Variants in SGK1 observed in about 807,000 individuals in gnomAD.
The protein encoded by SGK1 is serine/threonine-protein kinase Sgk1.
Under a neutral mutation model 64.2 loss-of-function variants are expected in SGK1, and 26 were observed. The observed-to-expected ratio is 0.40, with a 90% CI of 0.30 to 0.56. The LOEUF (loss-of-function observed/expected upper bound fraction) is 0.56, where lower values mean the gene tolerates loss of function less well. Among genes scored for constraint, SGK1 ranks in the 20% least tolerant of loss-of-function variants. The pLI, the probability that SGK1 is intolerant of heterozygous loss-of-function variation, is 0.38. For missense variants in SGK1, 519 were observed against 645.6 expected (o/e 0.80, Z 2.12); for synonymous variants, 265 against 239.7 (o/e 1.11, Z -0.98).
rs1777703576 is a variant in SGK1, at chr6:134,317,448, C to T, written c.13G>A (p.Asp5Asn). 3.1e-6 allele frequency: 5 copies of T among 1,608,852 alleles called. No homozygotes were observed. The highest frequency in any genetic ancestry group is 3.4e-6 in the Non-Finnish European group (4 of 1,175,264). ...TTCTTGACTGGGAATCCATTCATGT[C>T]TTTGTTTACCATTTTCCACCGTGGG... MVNK[D>N]MNGFPVKKCS... Residue 5 changes from aspartate to asparagine, a missense_variant, in exon 1 of 14, where the codon GAC becomes AAC. Around this residue, in one of 2 missense-constraint regions of SGK1, gnomAD observed 241 missense variants for 236.9 expected, o/e 1.02. Coordinates refer to ENST00000367858, the MANE Select transcript of SGK1 (RefSeq NM_001143676.3).
intron 2 of SGK1, among the ~76,000 whole-genome samples, chr6:134,249,111 C>T (rs748690110): frequency 3.3e-5 from 5 of 152,118 alleles, no homozygotes; most frequent in Non-Finnish European, 2.9e-5. Flanking sequence ...GCGTATTGTA[C>T]GAAATCTCAA....
rs569505435 is a variant in SGK1, at chr6:134,207,380, T to A, written c.337A>T (p.Thr113Ser). The A allele has an allele frequency of 6.2e-7, 1 of 1,610,720 alleles. No individual in the cohort carries two copies. The highest frequency in any genetic ancestry group is 8.5e-7 in the Non-Finnish European group (1 of 1,177,048). The change falls in exon 3 of 14, where the codon ACC (threonine) becomes TCC (serine). Residue 113 changes from threonine to serine, a missense_variant. Transcript: ENST00000367858. ...CCTGGATCATCATTAGTCCAGAAGG[T>A]TCTTGGATCGGGCTTGGTCAGGATG... ...ANILTKPDPR[T>S]FWTNDDPAFM...
chr6:134,208,745 C>T (rs528088891), intron 2 of SGK1, among the ~76,000 whole-genome samples: 17,256 of 150,520 alleles, frequency 0.11, 1,171 homozygotes, highest in African/African-American at 0.2. Context: ...TCCATGTATG[C>T]GTATATATAT....
intron 3 of SGK1, among the ~76,000 whole-genome samples, chr6:134,181,028 G>A (rs942191380): frequency 6.6e-6 from 1 of 152,196 alleles, no homozygotes; most frequent in African/African-American, 2.4e-5. Flanking sequence ...GAGCTTTGGG[G>A]TGAGAGGCCT....
chr6:134,242,649 G>A (rs1398105106), intron 2 of SGK1, among the ~76,000 whole-genome samples: 1 of 147,038 alleles, frequency 6.8e-6, no homozygotes, highest in Non-Finnish European at 1.5e-5. Context: ...TTTTTTTTTA[G>A]AAATGGGGTC....
Position 134,207,366 on chromosome 6 carries a change from A to G in SGK1, c.351T>C (p.Asn117=). The change falls in exon 3 of 14, where the codon AAT becomes AAC. Residue 117 remains asparagine, a synonymous_variant. Coordinates refer to ENST00000367858, the MANE Select transcript of SGK1 (RefSeq NM_001143676.3). Reference sequence around the variant, plus strand: ...TTTTTCCAATAATACCTGGATCATCATTAGTCCAGAAGGTTCTTGGATCGG... The same window carrying G: ...TTTTTCCAATAATACCTGGATCATCGTTAGTCCAGAAGGTTCTTGGATCGG... ...TKPDPRTFWT[N]DDPAFMKQRR... 6.2e-7 allele frequency: 1 copy of G among 1,605,324 alleles called. No homozygotes were observed. Among genetic ancestry groups the G allele is most frequent in the Non-Finnish European group, 8.5e-7 (1 of 1,172,270 alleles).
chr6:134,298,029 T>A, intron 1 of SGK1: 1 of 942,144 alleles, frequency 1.1e-6, no homozygotes. Context: ...CAGCTCCCGA[T>A]CTCTTCATAC....
chr6:134,260,277 G>C (rs1260348518), intron 2 of SGK1: 2 of 151,676 alleles, frequency 1.3e-5, no homozygotes, highest in East Asian at 3.9e-4. Context: ...TTGAACCTAG[G>C]AGTTTGAGGT....
chr6:134,228,417 A>G (rs1273370913), intron 2 of SGK1, among the ~76,000 whole-genome samples: 3 of 152,134 alleles, frequency 2.0e-5, no homozygotes, highest in African/African-American at 7.2e-5. Flanking sequence ...CATTTCTAGA[A>G]CATAACATTG....
chr6:134,175,654 T>TC, intron 3 of SGK1: 1 of 1,515,366 alleles, frequency 6.6e-7, no homozygotes, highest in Non-Finnish European at 8.8e-7. Context: ...GCCCTGCATC[T>TC]CCCCCATGGG....
intron 2 of SGK1, among the ~76,000 whole-genome samples, chr6:134,228,841 C>CTT (rs754300980): frequency 0.079 from 10,227 of 129,592 alleles, 647 homozygotes; most frequent in East Asian, 0.22. Flanking sequence ...TGTAGTTGTT[C>CTT]TTTTTTTTTT....
At chr6:134,229,252 C>G (rs1047962260) in intron 2 of SGK1, among the ~76,000 whole-genome samples, 1 of 152,224 alleles carries the variant, frequency 6.6e-6, no homozygotes, top group Admixed American at 6.5e-5. Flanking sequence ...TTGACTTGGT[C>G]TGTAAACGTC....
chr6:134,254,478 T>C (rs914764102), intron 2 of SGK1, among the ~76,000 whole-genome samples: 5 of 152,344 alleles, frequency 3.3e-5, no homozygotes, highest in African/African-American at 7.2e-5. Flanking sequence ...GGTGGAGTTG[T>C]ACCTGTTCAC....
chr6:134,232,574 G>A (rs1427690199), intron 2 of SGK1, among the ~76,000 whole-genome samples: 3 of 152,038 alleles, frequency 2.0e-5, no homozygotes, highest in East Asian at 3.9e-4. Context: ...TTTCAGGCTG[G>A]GTGCGGTGGC....
intron 3 of SGK1, chr6:134,175,581 C>T: frequency 6.4e-7 from 1 of 1,566,748 alleles, no homozygotes; most frequent in Non-Finnish European, 8.6e-7. Flanking sequence ...TCCTTTTCTG[C>T]GCCTCGGCCC....
chr6:134,239,330 T>G (rs1456164724), intron 2 of SGK1, among the ~76,000 whole-genome samples: 1 of 152,220 alleles, frequency 6.6e-6, no homozygotes, highest in Admixed American at 6.5e-5. Flanking sequence ...GTGCACAAAG[T>G]GCTCACTAGC....
chr6:134,246,408 C>T (rs1439067161), intron 2 of SGK1, among the ~76,000 whole-genome samples: 1 of 151,860 alleles, frequency 6.6e-6, no homozygotes, highest in Non-Finnish European at 1.5e-5. Context: ...CTGCCCACCT[C>T]AACCTCCCAA....
intron 1 of SGK1, among the ~76,000 whole-genome samples, chr6:134,306,244 G>A (rs1777533375): frequency 6.6e-6 from 1 of 152,008 alleles, no homozygotes; most frequent in African/African-American, 2.4e-5. Flanking sequence ...CCAACATGGT[G>A]AAACCCCATC....
At position 134,317,802 on chromosome 6, in the gene SGK1, C is replaced by G. The variant is rs1182657764; in HGVS notation, c.-342G>C. ...CGAGCGGGAGAAGGGTACGCCTCCCCGCCCCCAGCTACCTGGCTGCTCTTC... is the reference window on the plus strand; with the variant it reads ...CGAGCGGGAGAAGGGTACGCCTCCCGGCCCCCAGCTACCTGGCTGCTCTTC... On this transcript the variant is annotated 5_prime_UTR_variant, in exon 1 of 14. Coordinates refer to ENST00000367858, the MANE Select transcript of SGK1 (RefSeq NM_001143676.3). 1 of 231,942 alleles carries G rather than the reference C, an allele frequency of 4.3e-6. No homozygotes were observed. The highest frequency in any genetic ancestry group is 8.3e-6 in the Non-Finnish European group (1 of 120,090). 14.4% of individuals were successfully genotyped at this position (231,942 alleles called of 1,614,324 possible). A position where few individuals can be genotyped will look rare whatever the true frequency, so the allele number is the denominator to read the frequency against.
Sources: allele counts gnomAD v4.1 joint callset (sites outside exome capture counted in the v4.1 genomes callset), GRCh38; gene constraint gnomAD v4.1.1; regional missense constraint gnomAD v4.1.1; transcripts MANE v1.5; gene names NCBI Gene and HGNC (gene_info 2026-07-23, HGNC 2026-07-21).